ARRDC5: variants seen among roughly 807,000 people sequenced by gnomAD.
The protein encoded by ARRDC5 is arrestin domain containing 5, also known as arrestin domain-containing protein 5.
A neutral mutation model predicts 13.3 loss-of-function variants in ARRDC5; 12 were observed. The ratio of observed to expected loss-of-function variants is 0.90; its 90% CI spans 0.58 to 1.46. The LOEUF (loss-of-function observed/expected upper bound fraction) is 1.46. Among genes scored for constraint, ARRDC5 ranks in the 40% most tolerant of loss-of-function variants. The pLI, the probability that ARRDC5 is intolerant of heterozygous loss-of-function variation, is 0.00. For synonymous variants in ARRDC5, 181 were observed against 173.4 expected (o/e 1.04, Z -0.34); for missense variants, 406 against 418.7 (o/e 0.97, Z 0.26).
chr19:4,902,968 G>C (rs940845748), upstream of ARRDC5: 7 of 1,237,486 alleles, frequency 5.7e-6, no homozygotes, highest in Admixed American at 6.2e-5. Flanking sequence ...GGCCAGGAGG[G>C]GAGGCAAAAC....
chr19:4,896,588 C>T (rs2031742067), intron 2 of ARRDC5, 83 bp downstream of exon 2: 8 of 1,055,708 alleles, frequency 7.6e-6, no homozygotes, highest in Non-Finnish European at 1.2e-5. Flanking sequence ...ATGGGACCTT[C>T]TCTGTCCCCT....
the ARRDC5 span, among the ~76,000 whole-genome samples, chr19:4,911,418 G>A: frequency 6.6e-6 from 1 of 152,146 alleles, no homozygotes; most frequent in Non-Finnish European, 1.5e-5. Flanking sequence ...AGGGGACCAG[G>A]TTTTCTTTTT....
chr19:4,916,656 C>G, the ARRDC5 span, among the ~76,000 whole-genome samples: 1 of 152,050 alleles, frequency 6.6e-6, no homozygotes, highest in African/African-American at 2.4e-5. Context: ...GCCGCCCCCT[C>G]TTGTGGGTTC....
At chr19:4,901,088 G>A (rs72986126) in intron 1 of ARRDC5, among the ~76,000 whole-genome samples, 2,992 of 151,662 alleles carry the variant, frequency 0.02, 44 homozygotes, top group South Asian at 0.067. Flanking sequence ...GCGGTGAGCC[G>A]AGATTGCGCC....
At chr19:4,907,704 C>CT (rs59867968), upstream of ARRDC5, among the ~76,000 whole-genome samples, 122 of 47,620 alleles carry the variant, frequency 2.6e-3, no homozygotes, top group Non-Finnish European at 3.1e-3. Flanking sequence ...TTGGCCTGAT[C>CT]TTTTTTTTTT....
chr19:4,909,406 C>A, the ARRDC5 span: 1 of 649,620 alleles, frequency 1.5e-6, no homozygotes. Context: ...CTTCCCGCCA[C>A]TGCGTCGGCC....
chr19:4,916,098 G>T, the ARRDC5 span, among the ~76,000 whole-genome samples: 1 of 151,910 alleles, frequency 6.6e-6, no homozygotes, highest in African/African-American at 2.4e-5. Context: ...GCTTGAGGTT[G>T]GGAGTTTGAG....
At chr19:4,904,676 C>A (rs1486200940), upstream of ARRDC5, among the ~76,000 whole-genome samples, 1 of 152,184 alleles carries the variant, frequency 6.6e-6, no homozygotes, top group African/African-American at 2.4e-5. Flanking sequence ...CAGGGTGAGA[C>A]CTTGTCTAAG....
chr19:4,914,074 C>G, the ARRDC5 span, among the ~76,000 whole-genome samples: 1 of 152,060 alleles, frequency 6.6e-6, no homozygotes, highest in Non-Finnish European at 1.5e-5. Flanking sequence ...CCCTCCCCCA[C>G]CTTGGCCTCC....
chr19:4,912,553 C>A, the ARRDC5 span, among the ~76,000 whole-genome samples: 1 of 152,244 alleles, frequency 6.6e-6, no homozygotes, highest in Admixed American at 6.6e-5. Flanking sequence ...CACCTAGACA[C>A]ACCTGCCATG....
chr19:4,896,361 TACACACACACACACACACACACAC>T (rs71170877), intron 2 of ARRDC5, among the ~76,000 whole-genome samples: 1 of 84,988 alleles, frequency 1.2e-5, no homozygotes, highest in South Asian at 4.3e-4. Flanking sequence ...TTTTTTTTTT[TACACACACACACACACACACACAC>T]ACACACACAC....
At chr19:4,893,171 A>T (rs1462866553) in intron 2 of ARRDC5, among the ~76,000 whole-genome samples, 2 of 141,486 alleles carry the variant, frequency 1.4e-5, no homozygotes, top group African/African-American at 5.2e-5. Flanking sequence ...ATATATTATT[A>T]TATATAATAT....
chr19:4,891,673 C>G lies in ARRDC5; in HGVS notation c.460-100G>C, dbSNP rs1599206402. On this transcript the variant is annotated intron_variant, in intron 2 of 2. Transcript: ENST00000650722. ...TGGGAACTCCTCAAAGTCTGTGGGG[C>G]TGGCTGGGCACGATAGCTCACGCCT... 5.6e-5 allele frequency: 62 copies of G among 1,114,416 alleles called. No individual in the cohort carries two copies. The East Asian group carries it at 1.6e-3, about 29-fold the overall frequency. 69.0% of individuals were successfully genotyped at this position (1,114,416 alleles called of 1,614,324 possible).
At chr19:4,905,834 T>C (rs2032054859), upstream of ARRDC5, among the ~76,000 whole-genome samples, 1 of 152,148 alleles carries the variant, frequency 6.6e-6, no homozygotes, top group Non-Finnish European at 1.5e-5. Context: ...GTGTATTTTA[T>C]GTGTGGCCCA....
chr19:4,907,505 A>C (rs954154070), upstream of ARRDC5, among the ~76,000 whole-genome samples: 1 of 151,886 alleles, frequency 6.6e-6, no homozygotes, highest in Non-Finnish European at 1.5e-5. Flanking sequence ...CCTGACCTCC[A>C]GTTATCTGCC....
chr19:4,907,286 T>C (rs987016806), upstream of ARRDC5, among the ~76,000 whole-genome samples: 3 of 152,184 alleles, frequency 2.0e-5, no homozygotes, highest in African/African-American at 7.2e-5. Flanking sequence ...ATTTTTTTTT[T>C]TGAGACACAG....
upstream of ARRDC5, among the ~76,000 whole-genome samples, chr19:4,906,857 G>A (rs1398806256): frequency 3.9e-5 from 6 of 152,226 alleles, no homozygotes; most frequent in African/African-American, 1.2e-4. Flanking sequence ...GATAGAAATA[G>A]GCTAGGTTCC....
chr19:4,893,973 A>G (rs1599209885), intron 2 of ARRDC5, among the ~76,000 whole-genome samples: 1 of 149,086 alleles, frequency 6.7e-6, no homozygotes, highest in African/African-American at 2.5e-5. Context: ...GCGTGAACCC[A>G]GGAGGCAGAG....
At chr19:4,914,304 A>C in the ARRDC5 span, among the ~76,000 whole-genome samples, 1 of 152,084 alleles carries the variant, frequency 6.6e-6, no homozygotes, top group African/African-American at 2.4e-5. Context: ...TGAAGTCTGC[A>C]GGCACCCAGG....
Sources: gnomAD v4.1 joint callset for allele counts (sites outside exome capture counted in the v4.1 genomes callset) on GRCh38, gnomAD v4.1.1 for gene constraint, MANE v1.5 for transcripts, NCBI Gene and HGNC (gene_info 2026-07-23, HGNC 2026-07-21) for gene names.